PHTF2: variants seen among roughly 807,000 people sequenced by gnomAD.
The protein encoded by PHTF2 is putative homeodomain transcription factor 2.
Under a neutral mutation model 101.2 loss-of-function variants are expected in PHTF2, and 60 were observed. The observed-to-expected ratio is 0.59, with a 90% CI of 0.48 to 0.73. The LOEUF (loss-of-function observed/expected upper bound fraction) is 0.73, where lower values mean the gene tolerates loss of function less well. PHTF2 is among the 30% of genes least tolerant of loss of function. The pLI, the probability that PHTF2 is intolerant of heterozygous loss-of-function variation, is 0.00. For missense variants in PHTF2, 747 were observed against 908.7 expected, an observed-to-expected ratio of 0.82 and a Z score of 2.29; for synonymous variants, 311 against 307.3, an observed-to-expected ratio of 1.01 and a Z score of -0.13.
chr7:77,902,956 A>G (rs935030303), intron 7 of PHTF2, among the ~76,000 whole-genome samples: 2 of 152,166 alleles, frequency 1.3e-5, no homozygotes, highest in Non-Finnish European at 2.9e-5. Context: ...TTAAAGATAT[A>G]ATAATATTTT....
At chr7:77,904,513 C>CGT (rs1386206793) in intron 7 of PHTF2, among the ~76,000 whole-genome samples, 8 of 152,044 alleles carry the variant, frequency 5.3e-5, no homozygotes, top group Admixed American at 1.3e-4. Flanking sequence ...ATTTTTTCAC[C>CGT]ATTCTGAGGG....
chr7:77,865,725 C>T (rs1424529919), intron 3 of PHTF2, among the ~76,000 whole-genome samples: 1 of 152,136 alleles, frequency 6.6e-6, no homozygotes, highest in Non-Finnish European at 1.5e-5. Flanking sequence ...GCTTTGATAA[C>T]AGTGCTGTCA....
At chr7:77,821,145 A>C (rs1412386204) in intron 1 of PHTF2, among the ~76,000 whole-genome samples, 1 of 151,120 alleles carries the variant, frequency 6.6e-6, no homozygotes, top group Non-Finnish European at 1.5e-5. Flanking sequence ...TTTTCTTTTC[A>C]ATATTTTGAA....
chr7:77,836,788 G>A (rs974448832), intron 1 of PHTF2, among the ~76,000 whole-genome samples: 1 of 151,778 alleles, frequency 6.6e-6, no homozygotes, highest in Non-Finnish European at 1.5e-5. Flanking sequence ...TGGAGACAGG[G>A]AGGGAAACAT....
chr7:77,834,507 C>G (rs1450392292), intron 1 of PHTF2, among the ~76,000 whole-genome samples: 2 of 152,092 alleles, frequency 1.3e-5, no homozygotes, highest in Admixed American at 6.5e-5. Context: ...ACAGTTGCCC[C>G]CAGGCTTGGG....
chr7:77,891,421 A>T (rs12535984), intron 3 of PHTF2, among the ~76,000 whole-genome samples: 3,351 of 149,692 alleles, frequency 0.022, 52 homozygotes, highest in Middle Eastern at 0.068. Flanking sequence ...CACCTCTACC[A>T]TTAGGACTAA....
At position 77,897,435 on chromosome 7, in the gene PHTF2, T is replaced by C. The variant is rs530874617; in HGVS notation, c.217-3276T>C. ...TTTAAATTATATTTAATAAATAAAA[T>C]ATTTTTATTATTGGATATTAATTGC... is the stretch of plus-strand genomic sequence containing the variant. On this transcript the variant is annotated intron_variant, in intron 5 of 19. Transcript: ENST00000416283. Among the ~76,000 whole-genome samples, 3 of 151,478 alleles carry C rather than the reference T, an allele frequency of 2.0e-5. No individual in the cohort carries two copies. In the East Asian group the frequency reaches 5.8e-4, roughly 29 times the overall value.
At chr7:77,830,157 A>G (rs766737939) in intron 1 of PHTF2, among the ~76,000 whole-genome samples, 1 of 152,226 alleles carries the variant, frequency 6.6e-6, no homozygotes, top group Non-Finnish European at 1.5e-5. Context: ...GTGGGGGCAC[A>G]TACAGATAAG....
intron 1 of PHTF2, among the ~76,000 whole-genome samples, chr7:77,812,042 T>C (rs148753627): frequency 5.7e-4 from 87 of 152,340 alleles, no homozygotes; most frequent in African/African-American, 2.0e-3. Flanking sequence ...TTTTGCATTC[T>C]TCAAATACAT....
At chr7:77,826,938 T>C (rs1034873984) in intron 1 of PHTF2, among the ~76,000 whole-genome samples, 2 of 152,220 alleles carry the variant, frequency 1.3e-5, no homozygotes, top group African/African-American at 4.8e-5. Context: ...TGACTTCAGG[T>C]ATGGCAAAGC....
intron 3 of PHTF2, among the ~76,000 whole-genome samples, chr7:77,860,550 C>T (rs1397672243): frequency 2.6e-5 from 4 of 152,102 alleles, no homozygotes; most frequent in Non-Finnish European, 4.4e-5. Flanking sequence ...TTTAAAATTG[C>T]TGTGATGATT....
intron 1 of PHTF2, among the ~76,000 whole-genome samples, chr7:77,834,081 C>A (rs2150559882): frequency 6.6e-6 from 1 of 152,028 alleles, no homozygotes; most frequent in South Asian, 2.1e-4. Context: ...TCTGAATATA[C>A]CCTCTGATTA....
chr7:77,820,185 G>A (rs897028800), intron 1 of PHTF2, among the ~76,000 whole-genome samples: 6 of 152,078 alleles, frequency 3.9e-5, no homozygotes, highest in African/African-American at 4.8e-5. Flanking sequence ...CACCGCACCC[G>A]GCTTGGGAGA....
intron 7 of PHTF2, among the ~76,000 whole-genome samples, chr7:77,904,788 C>T (rs1395719811): frequency 6.6e-6 from 1 of 152,234 alleles, no homozygotes; most frequent in Non-Finnish European, 1.5e-5. Flanking sequence ...GTTAGGGCTT[C>T]ATTCAGCATA....
At chr7:77,894,723 G>A (rs1800736629) in intron 5 of PHTF2, among the ~76,000 whole-genome samples, 1 of 152,142 alleles carries the variant, frequency 6.6e-6, no homozygotes, top group African/African-American at 2.4e-5. Flanking sequence ...CTATAGAAGA[G>A]CGAGAGGGGA....
chr7:77,871,172 T>A (rs1798484161), intron 3 of PHTF2, among the ~76,000 whole-genome samples: 2 of 151,966 alleles, frequency 1.3e-5, no homozygotes, highest in Non-Finnish European at 2.9e-5. Context: ...CTGAATGGTC[T>A]CGGGGTCATT....
chr7:77,914,753 C>G (rs1266007752), intron 9 of PHTF2, among the ~76,000 whole-genome samples: 1 of 152,070 alleles, frequency 6.6e-6, no homozygotes, highest in Non-Finnish European at 1.5e-5. Flanking sequence ...TTTCAATATT[C>G]TGAAAAACCT....
intron 19 of PHTF2, among the ~76,000 whole-genome samples, chr7:77,954,182 G>A (rs373283072): frequency 6.6e-6 from 1 of 152,030 alleles, no homozygotes; most frequent in Non-Finnish European, 1.5e-5. Flanking sequence ...TGCCCAGGCT[G>A]GTGTGCAGTT....
intron 1 of PHTF2, among the ~76,000 whole-genome samples, chr7:77,804,951 A>G (rs1178331735): frequency 2.0e-5 from 3 of 152,220 alleles, no homozygotes; most frequent in African/African-American, 4.8e-5. Context: ...TTATATCCTC[A>G]GTGTCTGCAC....
Sources: gnomAD v4.1 joint callset for allele counts (sites outside exome capture counted in the v4.1 genomes callset) on GRCh38, gnomAD v4.1.1 for gene constraint, MANE v1.5 for transcripts, NCBI Gene and HGNC (gene_info 2026-07-23, HGNC 2026-07-21) for gene names.